Variants in CPNE8 observed in about 807,000 individuals in gnomAD.
CPNE8 encodes copine-8.
A neutral mutation model predicts 81.5 loss-of-function variants in CPNE8; 45 were observed. That is an observed-to-expected ratio of 0.55 (90% CI 0.44 to 0.71). The LOEUF is 0.71. Ranked by LOEUF, CPNE8 falls within the 30% of genes least tolerant of loss-of-function variation. The pLI, the probability that CPNE8 is intolerant of heterozygous loss-of-function variation, is 0.00. For synonymous variants in CPNE8, 252 were observed against 226.3 expected, an observed-to-expected ratio of 1.11 and a Z score of -1.02; for missense variants, 594 against 672.1, an observed-to-expected ratio of 0.88 and a Z score of 1.28.
intron 13 of CPNE8, among the ~76,000 whole-genome samples, chr12:38,719,297 C>T (rs1030047882): frequency 6.6e-6 from 1 of 152,088 alleles, no homozygotes; most frequent in African/African-American, 2.4e-5. Flanking sequence ...TAATAAAAGT[C>T]AAATTTTAAA....
At chr12:38,837,558 GA>G in intron 5 of CPNE8, among the ~76,000 whole-genome samples, 1 of 152,076 alleles carries the variant, frequency 6.6e-6, no homozygotes, top group Non-Finnish European at 1.5e-5. Context: ...AAAGTTATGA[GA>G]AAAAATAATA....
rs145785516 is a variant in CPNE8, at chr12:38,776,049, A to G, written c.471+189T>C. Among the ~76,000 whole-genome samples the G allele has an allele frequency of 9.4e-3, 1,431 of 152,308 alleles. 20 individuals are homozygous for G. The highest frequency in any genetic ancestry group is 0.04 in the South Asian group (195 of 4,828). On this transcript the variant is annotated intron_variant, in intron 7 of 19. Transcript: ENST00000331366. Reference sequence around the variant, plus strand: ...AAAAAGATTATTAAAATAACTAATTATACTTTTCAGACTATGAAATACAGT... The same window carrying G: ...AAAAAGATTATTAAAATAACTAATTGTACTTTTCAGACTATGAAATACAGT...
chr12:38,654,056 C>G lies in CPNE8; in HGVS notation c.1521G>C (p.Arg507Ser), dbSNP rs373506283. ...GGTTTCCACTTCTGTCAATATAATC[C>G]CTGAATGGCACAAACTAAAACAGAG... ...ERDIVQFVPF[R>S]DYIDRSGNHI... The change falls in exon 20 of 20, where the codon AGG becomes AGC. Residue 507 changes from arginine to serine, a missense_variant. Transcript: ENST00000331366. 1.2e-6 allele frequency: 2 copies of G among 1,603,522 alleles called. No individual in the cohort carries two copies. Among genetic ancestry groups the G allele is most frequent in the African/African-American group, 2.7e-5 (2 of 74,420 alleles).
At chr12:38,770,950 G>A (rs1941787491) in intron 7 of CPNE8, among the ~76,000 whole-genome samples, 1 of 152,066 alleles carries the variant, frequency 6.6e-6, no homozygotes, top group Non-Finnish European at 1.5e-5. Context: ...ATAGTCAGCC[G>A]ACTAATGTCT....
chr12:38,736,760 T>C (rs1028741554), intron 10 of CPNE8, among the ~76,000 whole-genome samples: 1 of 152,020 alleles, frequency 6.6e-6, no homozygotes, highest in Non-Finnish European at 1.5e-5. Flanking sequence ...AAGCATATGA[T>C]AGTTAAGTCA....
chr12:38,659,085 A>G (rs772981613), intron 19 of CPNE8, among the ~76,000 whole-genome samples: 22 of 152,188 alleles, frequency 1.4e-4, no homozygotes, highest in Admixed American at 3.3e-4. Flanking sequence ...AAATGCCCCA[A>G]TTAAAAGACA....
chr12:38,883,975 G>C (rs183744543), intron 1 of CPNE8, among the ~76,000 whole-genome samples: 3 of 152,076 alleles, frequency 2.0e-5, no homozygotes, highest in Non-Finnish European at 2.9e-5. Flanking sequence ...TGTATCTCCC[G>C]TTCACTTGAG....
At chr12:38,665,979 T>C (rs2136639240) in intron 19 of CPNE8, among the ~76,000 whole-genome samples, 1 of 152,336 alleles carries the variant, frequency 6.6e-6, no homozygotes, top group African/African-American at 2.4e-5. Context: ...ACCAATGTAC[T>C]GTACTGATAA....
At chr12:38,810,712 T>A (rs1286451986) in intron 6 of CPNE8, among the ~76,000 whole-genome samples, 2 of 152,136 alleles carry the variant, frequency 1.3e-5, no homozygotes, top group Non-Finnish European at 1.5e-5. Flanking sequence ...TTCAGTAGGA[T>A]CAGCTAAGTA....
chr12:38,847,250 G>C (rs918809854), intron 4 of CPNE8, among the ~76,000 whole-genome samples: 5 of 152,132 alleles, frequency 3.3e-5, no homozygotes, highest in South Asian at 4.2e-4. Flanking sequence ...AAAAACAAAG[G>C]GGGGAACAAA....
rs76795197 is a variant in CPNE8 at position 38,780,606 on chromosome 12, A to G, written c.408-4305T>C. Among the ~76,000 whole-genome samples, 30 of 152,224 alleles carry G rather than the reference A, an allele frequency of 2.0e-4. 2 individuals are homozygous for G. The East Asian group carries it at 5.6e-3, about 28-fold the overall frequency. ...TATCTCCAGAGGAACCAGACAGAAAAGACAGATGATCGACAAAGATATGAT... is the reference window on the plus strand; with the variant it reads ...TATCTCCAGAGGAACCAGACAGAAAGGACAGATGATCGACAAAGATATGAT... On this transcript the variant is annotated intron_variant, in intron 6 of 19. Coordinates refer to ENST00000331366, the MANE Select transcript of CPNE8 (RefSeq NM_153634.3).
At chr12:38,901,348 A>G (rs1480082569) in intron 1 of CPNE8, among the ~76,000 whole-genome samples, 1 of 152,226 alleles carries the variant, frequency 6.6e-6, no homozygotes, top group African/African-American at 2.4e-5. Flanking sequence ...TGATAAGCTG[A>G]CTTCTCAATC....
In CPNE8 at chr12:38,653,803, G is replaced by A; in HGVS notation, c.*79C>T. 1 of 1,518,584 alleles carries A rather than the reference G, an allele frequency of 6.6e-7. No individual in the cohort carries two copies. Among genetic ancestry groups the A allele is most frequent in the Non-Finnish European group, 8.8e-7 (1 of 1,141,038 alleles). The allele number at this position is 1,518,584 out of a possible 1,614,324, so 94.1% of individuals were successfully genotyped here. A position where few individuals can be genotyped will look rare whatever the true frequency, so the allele number is the denominator to read the frequency against. On this transcript the variant is annotated 3_prime_UTR_variant, in exon 20 of 20. Coordinates refer to ENST00000331366, the MANE Select transcript of CPNE8 (RefSeq NM_153634.3). ...ACTGAGAAAACTATCTCATTGCCTG[G>A]TTCATTACAGAGCACCAGGCACAAA...
chr12:38,873,763 T>G (rs1327487902), intron 2 of CPNE8, among the ~76,000 whole-genome samples: 2 of 152,186 alleles, frequency 1.3e-5, no homozygotes, highest in East Asian at 1.9e-4. Context: ...TTCTAAATAT[T>G]ACAAGATTCG....
intron 8 of CPNE8, among the ~76,000 whole-genome samples, chr12:38,764,723 C>T (rs1288050160): frequency 6.6e-6 from 1 of 150,748 alleles, no homozygotes; most frequent in African/African-American, 2.4e-5. Context: ...CATTAAGATA[C>T]ATTCATAAAA....
At chr12:38,887,753 A>T (rs1172958714) in intron 1 of CPNE8, among the ~76,000 whole-genome samples, 1 of 152,220 alleles carries the variant, frequency 6.6e-6, no homozygotes, top group Non-Finnish European at 1.5e-5. Flanking sequence ...CTCTCAGAGT[A>T]AAGTATGGAG....
At chr12:38,755,463 C>T (rs78287523) in intron 10 of CPNE8, among the ~76,000 whole-genome samples, 7,227 of 152,160 alleles carry the variant, frequency 0.047, 584 homozygotes, top group African/African-American at 0.16. Context: ...GCTGAAAAAA[C>T]TTCAAGCAAT....
rs1282118600 is a variant in CPNE8 at position 38,905,442 on chromosome 12, G to A, written c.93C>T (p.Ser31=). 3 of 1,563,642 alleles carry A rather than the reference G, an allele frequency of 1.9e-6. No homozygotes were observed. Among genetic ancestry groups the A allele is most frequent in the Non-Finnish European group, 8.7e-7 (1 of 1,154,188 alleles). The part of the protein sequence containing the change: ...IPATRVEVSV[S]CRNLLDRDTF... Reference sequence around the variant, plus strand: ...GGGAAGGGCTGCGTCCTCACCTGCAGGACACGGACACCTCCACCCGCGTGG... The same window carrying A: ...GGGAAGGGCTGCGTCCTCACCTGCAAGACACGGACACCTCCACCCGCGTGG... Residue 31 remains serine, a synonymous_variant, in exon 1 of 20, where the codon TCC becomes TCT. Coordinates refer to ENST00000331366, the MANE Select transcript of CPNE8 (RefSeq NM_153634.3).
chr12:38,658,997 G>A (rs941017905), intron 19 of CPNE8, among the ~76,000 whole-genome samples: 8 of 151,926 alleles, frequency 5.3e-5, no homozygotes, highest in African/African-American at 1.7e-4. Flanking sequence ...TCAATTAATG[G>A]GCAAAATAAC....
Sources: gnomAD v4.1 joint callset for allele counts (sites outside exome capture counted in the v4.1 genomes callset) on GRCh38, gnomAD v4.1.1 for gene constraint, MANE v1.5 for transcripts, NCBI Gene and HGNC (gene_info 2026-07-23, HGNC 2026-07-21) for gene names.